SERINC3: variants seen among roughly 807,000 people sequenced by gnomAD.
SERINC3 encodes tumor differentially expressed protein 1.
In SERINC3, 22 loss-of-function variants were observed where a neutral mutation model predicts 52.1. The ratio of observed to expected loss-of-function variants is 0.42; its 90% CI spans 0.30 to 0.60. SERINC3 has a LOEUF of 0.60. SERINC3 is among the 20% of genes least tolerant of loss of function. The pLI is 0.16. For missense variants in SERINC3, 564 were observed against 584.6 expected (o/e 0.96, Z 0.36); for synonymous variants, 226 against 212.7 (o/e 1.06, Z -0.54).
Position 44,512,962 on chromosome 20 carries a change from G to T in SERINC3, c.234C>A (p.Ile78=). 6.6e-7 allele frequency: 1 copy of T among 1,508,990 alleles called. No individual in the cohort carries two copies. The highest frequency in any genetic ancestry group is 8.8e-7 in the Non-Finnish European group (1 of 1,137,562). The allele number at this position is 1,508,990 out of a possible 1,614,324, so 93.5% of individuals were successfully genotyped here. A position where few individuals can be genotyped will look rare whatever the true frequency, so the allele number is the denominator to read the frequency against. ...TATCTGCATTTATATCAGCCTCATG[G>T]ATTTTAAATCCCCCTTCACAAAATC... is the stretch of plus-strand genomic sequence containing the variant. The part of the protein sequence containing the change: ...IPGFCEGGFK[I]HEADINADKD... Residue 78 remains isoleucine, a synonymous_variant, in exon 3 of 10, where the codon ATC becomes ATA. Transcript: ENST00000342374.
Position 44,512,685 on chromosome 20 carries a change from C to T in SERINC3, c.395+116G>A, listed in dbSNP as rs1031559393. 4 of 757,702 alleles carry T rather than the reference C, an allele frequency of 5.3e-6. No homozygotes were observed. In the South Asian group the frequency reaches 6.3e-5, roughly 12 times the overall value. 46.9% of individuals were successfully genotyped at this position (757,702 alleles called of 1,614,324 possible). The stretch of plus-strand genomic sequence containing the variant: ...TCACATGCATAATAGATCAGAAATG[C>T]ATCTGAGCCACTCATTTACATATTC... On this transcript the variant is annotated intron_variant, in intron 3 of 9. Coordinates refer to ENST00000342374, the MANE Select transcript of SERINC3 (RefSeq NM_006811.4).
chr20:44,507,827 C>T (rs1271969491), intron 5 of SERINC3, among the ~76,000 whole-genome samples: 2 of 152,196 alleles, frequency 1.3e-5, no homozygotes, highest in African/African-American at 4.8e-5. Flanking sequence ...CGAGATGGTG[C>T]CACTGCACTC....
At chr20:44,511,405 G>T in intron 3 of SERINC3, 37 bp from the exon 4 acceptor site, 4 of 1,340,784 alleles carry the variant, frequency 3.0e-6, no homozygotes, top group Non-Finnish European at 3.2e-6. Context: ...GAAATGCTAA[G>T]TTTCACCCTT....
chr20:44,500,824 G>A (rs2064274892), intron 9 of SERINC3, among the ~76,000 whole-genome samples: 1 of 152,154 alleles, frequency 6.6e-6, no homozygotes, highest in South Asian at 2.1e-4. Flanking sequence ...AGTGAACAAA[G>A]ATGGGTCAGA....
rs34126743 is a variant in SERINC3 at position 44,499,899 on chromosome 20, ATTT to A, written c.*394_*396del. On this transcript the variant is annotated 3_prime_UTR_variant, in exon 10 of 10. Coordinates refer to ENST00000342374, the MANE Select transcript of SERINC3 (RefSeq NM_006811.4). Reference sequence around the variant, plus strand: ...TAGAGGAAAACTGTAATATAAATGCATTTTTTTTTTTTTGCTTTTAAAGGATAC... The same window carrying A: ...TAGAGGAAAACTGTAATATAAATGCATTTTTTTTTTGCTTTTAAAGGATAC... 1.5e-5 allele frequency: 2 copies of A among 130,838 alleles called. No homozygotes were observed. The allele number at this position is 130,838 out of a possible 1,614,324, so 8.1% of individuals were successfully genotyped here. A position where few individuals can be genotyped will look rare whatever the true frequency, so the allele number is the denominator to read the frequency against.
intron 6 of SERINC3, among the ~76,000 whole-genome samples, chr20:44,505,455 G>A (rs1292329859): frequency 0.077 from 4 of 52 alleles, no homozygotes; most frequent in Non-Finnish European, 0.13. Flanking sequence ...CTGAGTAGCT[G>A]GGATTACAGT....
intron 6 of SERINC3, among the ~76,000 whole-genome samples, chr20:44,505,222 C>T (rs2064303827): frequency 6.6e-6 from 1 of 152,208 alleles, no homozygotes; most frequent in Admixed American, 6.5e-5. Flanking sequence ...AGGCCTATCA[C>T]TTCTTTGAGA....
At chr20:44,505,317 A>T (rs1335683152) in intron 6 of SERINC3, among the ~76,000 whole-genome samples, 1 of 152,040 alleles carries the variant, frequency 6.6e-6, no homozygotes, top group African/African-American at 2.4e-5. Context: ...GAATTTTTTT[A>T]AACGGTTTTT....
At chr20:44,516,533 G>GGATT (rs747567193) in intron 1 of SERINC3, among the ~76,000 whole-genome samples, 7 of 151,776 alleles carry the variant, frequency 4.6e-5, no homozygotes, top group Admixed American at 2.6e-4. Context: ...GGGATTACAG[G>GGATT]GATTACAGAC....
At chr20:44,496,770 G>C (rs1035902011), downstream of SERINC3, among the ~76,000 whole-genome samples, 1 of 152,078 alleles carries the variant, frequency 6.6e-6, no homozygotes, top group African/African-American at 2.4e-5. Flanking sequence ...CTCCAGCCTG[G>C]GCAACAGAGC....
At chr20:44,507,729 C>T (rs1384986743) in intron 5 of SERINC3, among the ~76,000 whole-genome samples, 2 of 152,150 alleles carry the variant, frequency 1.3e-5, no homozygotes, top group Non-Finnish European at 1.5e-5. Context: ...ATCAGCCAGG[C>T]ATGGTGGCAT....
At position 44,512,734 on chromosome 20, in the gene SERINC3, T is replaced by C. The variant is rs2269598; in HGVS notation, c.395+67A>G. 7.7e-3 allele frequency: 9,645 copies of C among 1,256,966 alleles called. 823 individuals are homozygous for C. In the East Asian group the frequency reaches 0.2, roughly 26 times the overall value. The allele number at this position is 1,256,966 out of a possible 1,614,324, so 77.9% of individuals were successfully genotyped here. ...TCCATTGATTTCATCAGAATGGCTA[T>C]ATTAACTGCTGAAGGGAAGGAAGAG... On this transcript the variant is annotated intron_variant, in intron 3 of 9. Coordinates refer to ENST00000342374, the MANE Select transcript of SERINC3 (RefSeq NM_006811.4).
chr20:44,519,387 T>C (rs576124129), intron 1 of SERINC3: 2 of 978,784 alleles, frequency 2.0e-6, no homozygotes, highest in East Asian at 1.1e-4. Flanking sequence ...TGAGCCACCA[T>C]GCCTGGCCTT....
At chr20:44,504,398 A>AT (rs1248697871) in intron 7 of SERINC3, among the ~76,000 whole-genome samples, 1 of 152,226 alleles carries the variant, frequency 6.6e-6, no homozygotes, top group Non-Finnish European at 1.5e-5. Context: ...AAAGAAGCCC[A>AT]TAGAATATCC....
At chr20:44,520,759 A>T (rs2064411576) in intron 1 of SERINC3, among the ~76,000 whole-genome samples, 1 of 152,240 alleles carries the variant, frequency 6.6e-6, no homozygotes, top group African/African-American at 2.4e-5. Flanking sequence ...ATCTAAAATT[A>T]AAAATACATA....
At chr20:44,506,463 G>A (rs1224019240) in intron 6 of SERINC3, among the ~76,000 whole-genome samples, 4 of 151,148 alleles carry the variant, frequency 2.6e-5, no homozygotes, top group South Asian at 4.2e-4. Flanking sequence ...GTGGCTGCCT[G>A]TGATCCCAGC....
chr20:44,512,436 G>A (rs2064354003), intron 3 of SERINC3, among the ~76,000 whole-genome samples: 2 of 151,008 alleles, frequency 1.3e-5, no homozygotes. Context: ...ACTGACTTTT[G>A]TACACTGTTT....
chr20:44,522,035 A>T lies in SERINC3; in HGVS notation c.-84T>A. 1 of 1,394,242 alleles carries T rather than the reference A, an allele frequency of 7.2e-7. No homozygotes were observed. 86.4% of individuals were successfully genotyped at this position (1,394,242 alleles called of 1,614,324 possible). ...TGCCAGCTGAGGTGACTCCCCAGAA[A>T]CATGACGGTTTCTCAGGCCGGAAAC... On this transcript the variant is annotated 5_prime_UTR_variant, in exon 1 of 10. Coordinates refer to ENST00000342374, the MANE Select transcript of SERINC3 (RefSeq NM_006811.4).
At chr20:44,516,336 A>G (rs936421650) in intron 1 of SERINC3, among the ~76,000 whole-genome samples, 9 of 152,150 alleles carry the variant, frequency 5.9e-5, no homozygotes, top group African/African-American at 2.2e-4. Flanking sequence ...TTAGTCTGCT[A>G]AAATCTGTTA....
Sources: gnomAD v4.1 joint callset for allele counts (sites outside exome capture counted in the v4.1 genomes callset) on GRCh38, gnomAD v4.1.1 for gene constraint, MANE v1.5 for transcripts, NCBI Gene and HGNC (gene_info 2026-07-23, HGNC 2026-07-21) for gene names.